Variants in SLC5A4 observed in about 807,000 individuals in gnomAD.
The protein encoded by SLC5A4 is probable glucose sensor protein SLC5A4.
Under a neutral mutation model 70.3 loss-of-function variants are expected in SLC5A4, and 55 were observed. That is an observed-to-expected ratio of 0.78 (90% CI 0.63 to 0.98). The LOEUF is 0.98. SLC5A4 is among the 50% of genes least tolerant of loss of function. The pLI is 0.00. For synonymous variants in SLC5A4, 268 were observed against 305.7 expected (o/e 0.88, Z 1.29); for missense variants, 735 against 839.2 (o/e 0.88, Z 1.53).
the SLC5A4 span, among the ~76,000 whole-genome samples, chr22:32,312,371 A>G: frequency 1.6e-5 from 2 of 125,598 alleles, no homozygotes; most frequent in African/African-American, 5.7e-5. Flanking sequence ...GCGCGCACAC[A>G]CACACACACA....
At chr22:32,269,551 A>G in the SLC5A4 span, 2 of 625,250 alleles carry the variant, frequency 3.2e-6, no homozygotes, top group Non-Finnish European at 6.2e-6. The surrounding 1 kb of genome is among the most constrained non-coding windows in gnomAD (Gnocchi z 4.1). Context: ...TGCTAACATC[A>G]CGCAGAAGGT....
chr22:32,270,861 A>G, the SLC5A4 span: 1 of 549,454 alleles, frequency 1.8e-6, no homozygotes, highest in Non-Finnish European at 3.4e-6. Context: ...GTGCTGCACA[A>G]GCCCCCGCTG....
At chr22:32,291,538 G>C in the SLC5A4 span, among the ~76,000 whole-genome samples, 8 of 152,268 alleles carry the variant, frequency 5.3e-5, 1 homozygote, top group South Asian at 1.7e-3. Flanking sequence ...TCAAACTTGT[G>C]TATCAACTTG....
At chr22:32,255,455 A>G (rs1927431281), upstream of SLC5A4, 1 of 1,013,834 alleles carries the variant, frequency 9.9e-7, no homozygotes, top group Non-Finnish European at 1.5e-6. Context: ...AGACCTTTAA[A>G]CCTCTTCTCC....
chr22:32,332,899 T>C, the SLC5A4 span, among the ~76,000 whole-genome samples: 2 of 152,198 alleles, frequency 1.3e-5, no homozygotes, highest in Non-Finnish European at 2.9e-5. Flanking sequence ...AACTCCTGCC[T>C]CCCACTCTGC....
At chr22:32,236,248 C>G (rs748027083) in intron 7 of SLC5A4, among the ~76,000 whole-genome samples, 1 of 152,118 alleles carries the variant, frequency 6.6e-6, no homozygotes, top group Non-Finnish European at 1.5e-5. Context: ...TTTTCCTATG[C>G]AAAGATAAAT....
the SLC5A4 span, among the ~76,000 whole-genome samples, chr22:32,335,923 T>C: frequency 2.0e-5 from 3 of 152,168 alleles, no homozygotes; most frequent in East Asian, 1.9e-4. Context: ...GTTTCCATCA[T>C]TGTCACGGGA....
chr22:32,232,264 C>T (rs78335429), intron 9 of SLC5A4, among the ~76,000 whole-genome samples: 7,359 of 152,198 alleles, frequency 0.048, 245 homozygotes, highest in Middle Eastern at 0.11. Context: ...AACTGATGCC[C>T]AGTTGAGAAA....
the SLC5A4 span, among the ~76,000 whole-genome samples, chr22:32,303,098 A>C: frequency 6.6e-6 from 1 of 152,294 alleles, no homozygotes; most frequent in African/African-American, 2.4e-5. Context: ...AAAGTCTCTG[A>C]GACAGATCTC....
intron 5 of SLC5A4, among the ~76,000 whole-genome samples, chr22:32,246,907 C>A (rs561430482): frequency 6.6e-6 from 1 of 152,178 alleles, no homozygotes; most frequent in South Asian, 2.1e-4. Flanking sequence ...ATATGTCTTA[C>A]CATGGTGGTC....
chr22:32,299,484 G>T, the SLC5A4 span, among the ~76,000 whole-genome samples: 1 of 103,536 alleles, frequency 9.7e-6, no homozygotes, highest in Non-Finnish European at 2.1e-5. Context: ...TGTAGTTCTC[G>T]AGCCTTGGTT....
At chr22:32,260,468 C>A in the SLC5A4 span, among the ~76,000 whole-genome samples, 1 of 150,840 alleles carries the variant, frequency 6.6e-6, no homozygotes, top group Non-Finnish European at 1.5e-5. Context: ...CCAAGGCCAG[C>A]TGTATTCCCC....
intron 5 of SLC5A4, among the ~76,000 whole-genome samples, chr22:32,241,801 G>GTA (rs201956689): frequency 0.05 from 7,238 of 145,564 alleles, 302 homozygotes; most frequent in African/African-American, 0.12. Context: ...GTGTGTGTGT[G>GTA]TGTATATATA....
upstream of SLC5A4, among the ~76,000 whole-genome samples, chr22:32,259,406 G>A (rs189501369): frequency 2.0e-5 from 3 of 152,118 alleles, no homozygotes; most frequent in Admixed American, 6.5e-5. Flanking sequence ...TATATTCCAT[G>A]TTGATTGTTT....
At chr22:32,289,470 C>T in the SLC5A4 span, among the ~76,000 whole-genome samples, 1 of 152,172 alleles carries the variant, frequency 6.6e-6, no homozygotes, top group Non-Finnish European at 1.5e-5. Flanking sequence ...TAAGGGGCTG[C>T]CGCCATCACG....
At chr22:32,351,756 GGGT>G in the SLC5A4 span, among the ~76,000 whole-genome samples, 7 of 71,210 alleles carry the variant, frequency 9.8e-5, no homozygotes, top group African/African-American at 5.6e-4. Flanking sequence ...GGCGGGGGGG[GGGT>G]GGGCGGGTGG....
chr22:32,291,183 T>TTC, the SLC5A4 span, among the ~76,000 whole-genome samples: 2 of 121,162 alleles, frequency 1.7e-5, no homozygotes, highest in East Asian at 2.2e-4. Context: ...GTTCTCTTTT[T>TTC]ATATACTTTG....
At chr22:32,302,049 G>A in the SLC5A4 span, among the ~76,000 whole-genome samples, 1 of 152,076 alleles carries the variant, frequency 6.6e-6, no homozygotes, top group Non-Finnish European at 1.5e-5. Context: ...GAACATATGG[G>A]TAATTCTTCA....
At chr22:32,306,474 A>C in the SLC5A4 span, among the ~76,000 whole-genome samples, 1 of 150,108 alleles carries the variant, frequency 6.7e-6, no homozygotes, top group Admixed American at 6.8e-5. Flanking sequence ...TCAAAAAAAA[A>C]AAACAAAAAC....
Sources: gnomAD v4.1 joint callset for allele counts (sites outside exome capture counted in the v4.1 genomes callset) on GRCh38, gnomAD v4.1.1 for gene constraint, Gnocchi (gnomAD v3.1) non-coding constraint, MANE v1.5 for transcripts, NCBI Gene and HGNC (gene_info 2026-07-23, HGNC 2026-07-21) for gene names.